The following SORBS2 variants were observed in gnomAD, a reference collection of about 807,000 sequenced individuals.
SORBS2 encodes sorbin and SH3 domain-containing protein 2.
Under a neutral mutation model 97.7 loss-of-function variants are expected in SORBS2, and 46 were observed. That is an observed-to-expected ratio of 0.47 (90% CI 0.37 to 0.60). The LOEUF is 0.60. SORBS2 is among the 20% of genes least tolerant of loss of function. SORBS2 has a pLI of 0.00. For missense variants in SORBS2, 1,316 were observed against 1,282.3 expected, an observed-to-expected ratio of 1.03 and a Z score of -0.40; for synonymous variants, 476 against 473.4, an observed-to-expected ratio of 1.01 and a Z score of -0.07.
chr4:185,797,072 C>T (rs1250126033), intron 1 of SORBS2, among the ~76,000 whole-genome samples: 2 of 152,232 alleles, frequency 1.3e-5, no homozygotes. Context: ...ACCTCAGAGG[C>T]TCCTCCACAA....
chr4:185,828,581 C>A (rs117219933), intron 1 of SORBS2, among the ~76,000 whole-genome samples: 1,749 of 152,190 alleles, frequency 0.011, 23 homozygotes, highest in East Asian at 0.049. Context: ...GTTTCCCTGA[C>A]AGGTAGCACA....
exon 12 of SORBS2, chr4:185,611,851 C>T: frequency 6.2e-7 from 1 of 1,614,100 alleles, no homozygotes. Context: ...GGGTAGTCCT[C>T]AGCACCTTTT....
chr4:185,721,090 T>C (rs2098510037), intron 2 of SORBS2, among the ~76,000 whole-genome samples: 1 of 140,650 alleles, frequency 7.1e-6, no homozygotes, highest in Non-Finnish European at 1.5e-5. Context: ...TATTCTTTTT[T>C]TTTTTTTTTT....
chr4:185,899,282 C>T (rs2099246436), intron 1 of SORBS2, among the ~76,000 whole-genome samples: 1 of 152,160 alleles, frequency 6.6e-6, no homozygotes, highest in African/African-American at 2.4e-5. Context: ...ACTCCTTAGT[C>T]AGATGGTTAA....
chr4:185,836,668 C>G (rs993539785), intron 1 of SORBS2, among the ~76,000 whole-genome samples: 1 of 152,128 alleles, frequency 6.6e-6, no homozygotes, highest in Admixed American at 6.5e-5. Context: ...GGCGGGGTCT[C>G]TATTCAAACC....
At position 185,874,866 on chromosome 4, in the gene SORBS2, T is replaced by TTTTTTTTTGC. The variant is rs775209042; in HGVS notation, c.-338+81329_-338+81330insGCAAAAAAAA. On this transcript the variant is annotated intron_variant, in intron 1 of 20. Transcript: ENST00000284776. Reference sequence around the variant, plus strand: ...GGTTTTACCTTACCCTGATTTTTTTTTTTTTTGCATGCTACAGTATATTGT... The same window carrying TTTTTTTTTGC: ...GGTTTTACCTTACCCTGATTTTTTTTTTTTTTTTGCTTTTTTGCATGCTACAGTATATTGT... Among the ~76,000 whole-genome samples the TTTTTTTTTGC allele has an allele frequency of 1.3e-3, 144 of 113,528 alleles. 22 individuals are homozygous for TTTTTTTTTGC. In the East Asian group the frequency reaches 0.055, roughly 43 times the overall value. 74.5% of individuals were successfully genotyped at this position (113,528 alleles called of 152,430 possible).
chr4:185,717,981 C>T (rs2098479979), intron 2 of SORBS2, among the ~76,000 whole-genome samples: 1 of 152,198 alleles, frequency 6.6e-6, no homozygotes. Context: ...TGGCTCACGC[C>T]TGCAACCCCG....
In SORBS2 at chr4:185,885,290, T is replaced by C. The variant is rs1045087776; in HGVS notation, c.-338+70906A>G. 2.6e-5 allele frequency among the ~76,000 whole-genome samples: 4 copies of C among 152,342 alleles called. No homozygotes were observed. In the East Asian group the frequency reaches 5.8e-4, roughly 22 times the overall value. On this transcript the variant is annotated intron_variant, in intron 1 of 20. Transcript: ENST00000284776. ...CGAGGAAAAGCCCGCTCTTGTGCTT[T>C]CACATTTCTGCCCTTGAAATACGAC...
intron 5 of SORBS2, among the ~76,000 whole-genome samples, chr4:185,629,764 T>C (rs954603405): frequency 6.6e-6 from 1 of 152,018 alleles, no homozygotes; most frequent in Non-Finnish European, 1.5e-5. Flanking sequence ...GGTTTCACCA[T>C]GATGGCCAGG....
chr4:185,618,092 C>T (rs2096655931), intron 9 of SORBS2, among the ~76,000 whole-genome samples: 1 of 152,164 alleles, frequency 6.6e-6, no homozygotes, highest in Admixed American at 6.5e-5. Flanking sequence ...TTTGCCTCAG[C>T]CTCCTGAGTA....
chr4:185,649,494 C>T (rs757943320), exon 3 of SORBS2: 52 of 1,589,156 alleles, frequency 3.3e-5, no homozygotes, highest in Admixed American at 2.5e-4. Context: ...ATCTCTTGGT[C>T]GAAGCGGCGG....
At chr4:185,667,244 G>T (rs763822427) in intron 4 of SORBS2, among the ~76,000 whole-genome samples, 22 of 152,164 alleles carry the variant, frequency 1.4e-4, no homozygotes, top group Non-Finnish European at 2.5e-4. Flanking sequence ...ACAAAGATGG[G>T]AATGAATGAA....
chr4:185,758,718 C>T (rs1211916541), intron 2 of SORBS2, among the ~76,000 whole-genome samples: 1 of 152,170 alleles, frequency 6.6e-6, no homozygotes, highest in Non-Finnish European at 1.5e-5. Flanking sequence ...GGCACTCACC[C>T]TTTCTTTCTC....
At chr4:185,896,776 TTGG>T (rs2099245253) in intron 1 of SORBS2, among the ~76,000 whole-genome samples, 1 of 152,036 alleles carries the variant, frequency 6.6e-6, no homozygotes, top group African/African-American at 2.4e-5. Flanking sequence ...CAGAGAGTTC[TTGG>T]TGGAGGAGGC....
chr4:185,655,894 A>T (rs76926475), intron 1 of SORBS2, among the ~76,000 whole-genome samples: 7,888 of 152,250 alleles, frequency 0.052, 425 homozygotes, highest in East Asian at 0.18. Flanking sequence ...TCTTTGATAA[A>T]ATCCTCTCAG....
intron 8 of SORBS2, 41 bp from the exon 21 acceptor site, chr4:185,618,672 G>A: frequency 7.3e-7 from 1 of 1,377,984 alleles, no homozygotes; most frequent in Non-Finnish European, 1.0e-6. Context: ...TTTAAAATTT[G>A]AATTTTCTAC....
At chr4:185,678,967 G>A in intron 2 of SORBS2, 145 bp from the exon 6 acceptor site, 1 of 439,862 alleles carries the variant, frequency 2.3e-6, no homozygotes, top group Non-Finnish European at 4.0e-6. Context: ...CATGCCAAAG[G>A]GAGGCTTGTA....
intron 1 of SORBS2, among the ~76,000 whole-genome samples, chr4:185,943,399 C>G (rs1017900113): frequency 6.6e-6 from 1 of 152,158 alleles, no homozygotes; most frequent in African/African-American, 2.4e-5. Flanking sequence ...AAATTGTGTG[C>G]CTCCAGATGT....
intron 1 of SORBS2, among the ~76,000 whole-genome samples, chr4:185,936,235 AT>A (rs1448076270): frequency 6.6e-6 from 1 of 152,236 alleles, no homozygotes; most frequent in Non-Finnish European, 1.5e-5. Flanking sequence ...AGAAGTAAAT[AT>A]AAAGCCTTCA....
Sources: gnomAD v4.1 joint callset for allele counts (sites outside exome capture counted in the v4.1 genomes callset) on GRCh38, gnomAD v4.1.1 for gene constraint, MANE v1.5 for transcripts, NCBI Gene and HGNC (gene_info 2026-07-23, HGNC 2026-07-21) for gene names.